KIRREL3: variants seen among roughly 807,000 people sequenced by gnomAD.
The protein encoded by KIRREL3 is kirre like nephrin family adhesion molecule 3, also known as kin of IRRE-like protein 3.
KIRREL3 carries 36 observed loss-of-function variants against 89.7 expected under a neutral mutation model. The ratio of observed to expected loss-of-function variants is 0.40; its 90% CI spans 0.31 to 0.53. The LOEUF (loss-of-function observed/expected upper bound fraction) is 0.53. Ranked by LOEUF, KIRREL3 falls within the 20% of genes least tolerant of loss-of-function variation. The probability of loss-of-function intolerance (pLI) is 0.49; values close to 1 mark genes in which losing one functional copy is unlikely to be tolerated. For synonymous variants in KIRREL3, 445 were observed against 441.4 expected, an observed-to-expected ratio of 1.01 and a Z score of -0.10; for missense variants, 864 against 1,056.6, an observed-to-expected ratio of 0.82 and a Z score of 2.53.
chr11:126,888,603 A>T (rs1945788876), intron 1 of KIRREL3, among the ~76,000 whole-genome samples: 2 of 152,164 alleles, frequency 1.3e-5, no homozygotes, highest in Non-Finnish European at 2.9e-5. Context: ...GACCCTCACG[A>T]GGCCCTCCCA....
rs1948798887 is a variant in KIRREL3 at position 126,736,351 on chromosome 11, T to A, written c.56-173439A>T. On this transcript the variant is annotated intron_variant, in intron 1 of 16. Transcript: ENST00000525144. This position sits in a 1 kb window ranked among gnomAD's most constrained non-coding sequence, Gnocchi z 5.0. ...CCGAGGCTCAGAGAAGTGAAATCAT[T>A]TGACAAGTCATACACAGCTAAAACG... 6.6e-6 allele frequency among the ~76,000 whole-genome samples: 1 copy of A among 152,338 alleles called. No individual in the cohort carries two copies. Among genetic ancestry groups the A allele is most frequent in the East Asian group, 1.9e-4 (1 of 5,180 alleles).
chr11:126,672,311 A>G (rs1945990436), intron 1 of KIRREL3, among the ~76,000 whole-genome samples: 1 of 152,264 alleles, frequency 6.6e-6, no homozygotes, highest in African/African-American at 2.4e-5. Flanking sequence ...TAAGAGATAC[A>G]TGAAACCAGC....
intron 1 of KIRREL3, among the ~76,000 whole-genome samples, chr11:126,810,995 C>A (rs1951366952): frequency 6.6e-6 from 1 of 152,284 alleles, no homozygotes; most frequent in East Asian, 1.9e-4. Context: ...ATGAGCCTTG[C>A]AGCCGGTCTG....
intron 1 of KIRREL3, among the ~76,000 whole-genome samples, chr11:126,621,904 A>C (rs572472143): frequency 4.6e-5 from 7 of 152,328 alleles, no homozygotes; most frequent in Non-Finnish European, 7.3e-5. Context: ...AAACCTTCTG[A>C]AGGTAATTAT....
chr11:126,433,240 T>TA (rs1228148972), intron 13 of KIRREL3, among the ~76,000 whole-genome samples: 2 of 152,248 alleles, frequency 1.3e-5, no homozygotes, highest in Non-Finnish European at 2.9e-5. Flanking sequence ...CTCCCCAGCC[T>TA]ACCCTGCGTT....
intron 1 of KIRREL3, among the ~76,000 whole-genome samples, chr11:126,894,964 A>G (rs1359925110): frequency 6.6e-6 from 1 of 152,112 alleles, no homozygotes; most frequent in Non-Finnish European, 1.5e-5. Context: ...TCCTGAGATA[A>G]GATCATTCAC....
chr11:126,850,910 AAC>A (rs1268009589), intron 1 of KIRREL3, among the ~76,000 whole-genome samples: 15 of 152,152 alleles, frequency 9.9e-5, no homozygotes, highest in Non-Finnish European at 7.4e-5. Context: ...ACAAAAGACT[AAC>A]AGTTACCGGA....
At chr11:126,893,730 G>T (rs757096038) in intron 1 of KIRREL3, among the ~76,000 whole-genome samples, 5 of 152,192 alleles carry the variant, frequency 3.3e-5, no homozygotes, top group Non-Finnish European at 7.3e-5. Context: ...ACTTAAATTT[G>T]CTCCTTCCTG....
chr11:126,656,245 T>C lies in KIRREL3; in HGVS notation c.56-93333A>G, dbSNP rs1482847573. Reference sequence around the variant, plus strand: ...AGATGCCTGTTGGTTCTGCCGTTCATATCTGTGAGATATCAGGCTGGTTTC... The same window carrying C: ...AGATGCCTGTTGGTTCTGCCGTTCACATCTGTGAGATATCAGGCTGGTTTC... On this transcript the variant is annotated intron_variant, in intron 1 of 16. Transcript: ENST00000525144. The surrounding 1 kb of genome is among the most constrained non-coding windows in gnomAD (Gnocchi z 4.0). 4.5e-6 allele frequency: 2 copies of C among 440,584 alleles called. No individual in the cohort carries two copies. The highest frequency in any genetic ancestry group is 9.2e-6 in the Non-Finnish European group (2 of 217,382). The allele number at this position is 440,584 out of a possible 1,614,324, so 27.3% of individuals were successfully genotyped here.
chr11:126,660,424 A>G (rs1945344363), intron 1 of KIRREL3, among the ~76,000 whole-genome samples: 1 of 152,204 alleles, frequency 6.6e-6, no homozygotes, highest in African/African-American at 2.4e-5. Context: ...GCATCATTGC[A>G]TTTGTTCCAA....
chr11:126,463,306 G>A lies in KIRREL3; in HGVS notation c.593C>T (p.Thr198Ile), dbSNP rs1956611434. The A allele has an allele frequency of 1.9e-6, 3 of 1,612,578 alleles. No homozygotes were observed. Among genetic ancestry groups the A allele is most frequent in the Admixed American group, 1.7e-5 (1 of 59,930 alleles). Residue 198 changes from threonine (T) to isoleucine (I), a missense_variant and splice_region_variant, in exon 6 of 17, where the codon ACC becomes ATC. Transcript: ENST00000525144. This position sits in a 1 kb window ranked among gnomAD's most constrained non-coding sequence, Gnocchi z 5.9. The part of the protein sequence containing the change: ...EVINGATYSK[T>I]LLRDGKRESI... ...CTCCCGCTTGCCGTCCCGAAGCAGG[G>A]TCTTGGGAGAAAGGGAAAGGGGAGA...
chr11:126,632,516 A>G (rs1160592412), intron 1 of KIRREL3, among the ~76,000 whole-genome samples: 1 of 152,266 alleles, frequency 6.6e-6, no homozygotes, highest in Non-Finnish European at 1.5e-5. Flanking sequence ...ATAGCTTGTT[A>G]CACGTAATGT....
At position 126,443,263 on chromosome 11, in the gene KIRREL3, C is replaced by G. The variant is rs1020965029; in HGVS notation, c.1252+1716G>C. ...GAGCAGAGCCGGCTGCAGGCACAGACAGCCTGACTTCCGAGTGCCCTGGCT... is the reference window on the plus strand; with the variant it reads ...GAGCAGAGCCGGCTGCAGGCACAGAGAGCCTGACTTCCGAGTGCCCTGGCT... On this transcript the variant is annotated intron_variant, in intron 10 of 16. Coordinates refer to ENST00000525144, the MANE Select transcript of KIRREL3 (RefSeq NM_032531.4). This position sits in a 1 kb window ranked among gnomAD's most constrained non-coding sequence, Gnocchi z 7.3. 6.6e-6 allele frequency among the ~76,000 whole-genome samples: 1 copy of G among 152,180 alleles called. No individual in the cohort carries two copies. Among genetic ancestry groups the G allele is most frequent in the African/African-American group, 2.4e-5 (1 of 41,430 alleles).
intron 1 of KIRREL3, among the ~76,000 whole-genome samples, chr11:126,823,321 A>C (rs755862309): frequency 1.3e-5 from 2 of 152,214 alleles, no homozygotes; most frequent in Non-Finnish European, 2.9e-5. Context: ...GGTGCAATTG[A>C]AAGTTGCTCA....
At chr11:126,871,292 G>T (rs1945100243) in intron 1 of KIRREL3, among the ~76,000 whole-genome samples, 1 of 152,136 alleles carries the variant, frequency 6.6e-6, no homozygotes, top group South Asian at 2.1e-4. Context: ...GGACATGCAG[G>T]ACCACCTTTG....
intron 1 of KIRREL3, among the ~76,000 whole-genome samples, chr11:126,815,355 C>T (rs1951527620): frequency 6.6e-6 from 1 of 152,134 alleles, no homozygotes; most frequent in African/African-American, 2.4e-5. Flanking sequence ...TCTCACTTCT[C>T]CCACTGTGTG....
rs1157180145 is a variant in KIRREL3, at chr11:126,558,239, A to T, written c.133+4596T>A. ...TCCTCTTCCTCATTTCCCCTTCTCA[A>T]GAGTCCTGTGGCCTGCCAGCTTTTC... On this transcript the variant is annotated intron_variant, in intron 2 of 16. Transcript: ENST00000525144. The surrounding 1 kb of genome is among the most constrained non-coding windows in gnomAD (Gnocchi z 4.0). Among the ~76,000 whole-genome samples, 1 of 152,004 alleles carries T rather than the reference A, an allele frequency of 6.6e-6. No individual in the cohort carries two copies. Among genetic ancestry groups the T allele is most frequent in the Non-Finnish European group, 1.5e-5 (1 of 68,000 alleles).
chr11:126,588,146 A>G (rs897227328), intron 1 of KIRREL3, among the ~76,000 whole-genome samples: 11 of 152,230 alleles, frequency 7.2e-5, no homozygotes, highest in African/African-American at 2.7e-4. Flanking sequence ...GGCTCATGGA[A>G]TCATTGTGGG....
rs1951066010 is a variant in KIRREL3, at chr11:126,802,449, T to C, written c.55+198006A>G. 6.6e-6 allele frequency among the ~76,000 whole-genome samples: 1 copy of C among 152,180 alleles called. No homozygotes were observed. Among genetic ancestry groups the C allele is most frequent in the African/African-American group, 2.4e-5 (1 of 41,442 alleles). ...AAAAATATATCACTTTCCAGCTGGG[T>C]CCATAGTCTGTGTGGCGTCGTTCTT... On this transcript the variant is annotated intron_variant, in intron 1 of 16. Coordinates refer to ENST00000525144, the MANE Select transcript of KIRREL3 (RefSeq NM_032531.4). The surrounding 1 kb of genome is among the most constrained non-coding windows in gnomAD (Gnocchi z 5.2).
Sources: allele counts gnomAD v4.1 joint callset (sites outside exome capture counted in the v4.1 genomes callset), GRCh38; gene constraint gnomAD v4.1.1; non-coding constraint Gnocchi (gnomAD v3.1); transcripts MANE v1.5; gene names NCBI Gene and HGNC (gene_info 2026-07-23, HGNC 2026-07-21).